TRIM44: variants seen among roughly 807,000 people sequenced by gnomAD.
The protein encoded by TRIM44 is tripartite motif-containing protein 44.
In TRIM44, 13 loss-of-function variants were observed where a neutral mutation model predicts 37.4. The ratio of observed to expected loss-of-function variants is 0.35; its 90% CI spans 0.23 to 0.55. The LOEUF (loss-of-function observed/expected upper bound fraction) is 0.55. Among genes scored for constraint, TRIM44 ranks in the 20% least tolerant of loss-of-function variants. The pLI is 0.89. For missense variants in TRIM44, 426 were observed against 437.2 expected, an observed-to-expected ratio of 0.97 and a Z score of 0.23; for synonymous variants, 175 against 157.2, an observed-to-expected ratio of 1.11 and a Z score of -0.85.
At chr11:35,800,550 A>G (rs553663809) in intron 4 of TRIM44, among the ~76,000 whole-genome samples, 1 of 152,114 alleles carries the variant, frequency 6.6e-6, no homozygotes, top group African/African-American at 2.4e-5. Flanking sequence ...TGATTGGTGC[A>G]TTTACAATCC....
chr11:35,812,288 A>G lies in TRIM44; in HGVS notation c.*5903A>G, dbSNP rs138599784. The G allele has an allele frequency of 2.6e-5, 4 of 152,300 alleles. 1 individual carries two copies. Among genetic ancestry groups the G allele is most frequent in the East Asian group, 1.9e-4 (1 of 5,184 alleles). The allele number at this position is 152,300 out of a possible 1,614,324, so 9.4% of individuals were successfully genotyped here. A position where few individuals can be genotyped will look rare whatever the true frequency, so the allele number is the denominator to read the frequency against. ...AAGGCACCAGAGTTAGAGACACCCA[A>G]CAGAAAGTCGTAATAAGAGAAGATG... On this transcript the variant is annotated 3_prime_UTR_variant, in exon 5 of 5. Coordinates refer to ENST00000299413, the MANE Select transcript of TRIM44 (RefSeq NM_017583.6).
At chr11:35,692,800 G>A (rs1441915339) in intron 2 of TRIM44, among the ~76,000 whole-genome samples, 2 of 151,928 alleles carry the variant, frequency 1.3e-5, no homozygotes, top group African/African-American at 4.8e-5. Flanking sequence ...GTGGGCGCCT[G>A]TAGTCCCAGC....
chr11:35,705,668 TA>T (rs1851869670), intron 2 of TRIM44, among the ~76,000 whole-genome samples: 1 of 147,388 alleles, frequency 6.8e-6, no homozygotes, highest in Non-Finnish European at 1.5e-5. Flanking sequence ...GACTACTGGG[TA>T]CATAACAAAA....
chr11:35,714,864 C>T (rs1250662403), intron 2 of TRIM44, among the ~76,000 whole-genome samples: 1 of 152,134 alleles, frequency 6.6e-6, no homozygotes, highest in Non-Finnish European at 1.5e-5. Context: ...AGCAGGAAAA[C>T]AAGATGGAAT....
intron 4 of TRIM44, among the ~76,000 whole-genome samples, chr11:35,794,684 C>A (rs1280736670): frequency 6.6e-6 from 1 of 152,218 alleles, no homozygotes; most frequent in Non-Finnish European, 1.5e-5. Context: ...TCAAAGTAAG[C>A]TGTTCATGAG....
At chr11:35,756,158 G>GT (rs1852635563) in intron 4 of TRIM44, among the ~76,000 whole-genome samples, 1 of 152,094 alleles carries the variant, frequency 6.6e-6, no homozygotes, top group South Asian at 2.1e-4. Flanking sequence ...TCTTCCATTT[G>GT]TTTGTATCCT....
In TRIM44 at chr11:35,808,574, G is replaced by A. The variant is rs1230327088; in HGVS notation, c.*2189G>A. 2.6e-5 allele frequency: 4 copies of A among 152,188 alleles called. No homozygotes were observed. Among genetic ancestry groups the A allele is most frequent in the Middle Eastern group, 3.4e-3 (1 of 294 alleles). The allele number at this position is 152,188 out of a possible 1,614,324, so 9.4% of individuals were successfully genotyped here. A position where few individuals can be genotyped will look rare whatever the true frequency, so the allele number is the denominator to read the frequency against. On this transcript the variant is annotated 3_prime_UTR_variant, in exon 5 of 5. Coordinates refer to ENST00000299413, the MANE Select transcript of TRIM44 (RefSeq NM_017583.6). ...TGGGAAATTCAAGCATTTATGCAGT[G>A]GATATAAATGGAAATATAAAAATAT...
chr11:35,675,602 A>C (rs1281051938), intron 1 of TRIM44, among the ~76,000 whole-genome samples: 1 of 152,024 alleles, frequency 6.6e-6, no homozygotes, highest in African/African-American at 2.4e-5. Flanking sequence ...GCTCACTGCA[A>C]CCTCCGCCTC....
chr11:35,791,513 C>T (rs1260963699), intron 4 of TRIM44, among the ~76,000 whole-genome samples: 1 of 152,108 alleles, frequency 6.6e-6, no homozygotes, highest in Non-Finnish European at 1.5e-5. Flanking sequence ...ACACTTCAAG[C>T]ATGACCCATA....
At chr11:35,799,427 T>C (rs1853336665) in intron 4 of TRIM44, among the ~76,000 whole-genome samples, 1 of 152,184 alleles carries the variant, frequency 6.6e-6, no homozygotes, top group Non-Finnish European at 1.5e-5. Context: ...CAGGTCTGTA[T>C]TTCTTCTTCT....
chr11:35,732,438 TAATAG>T (rs1322495939), intron 3 of TRIM44, among the ~76,000 whole-genome samples: 1 of 152,210 alleles, frequency 6.6e-6, no homozygotes, highest in Non-Finnish European at 1.5e-5. Context: ...AATTTGCTTA[TAATAG>T]GAGTAGAAAT....
At chr11:35,694,436 T>C (rs954163558) in intron 2 of TRIM44, among the ~76,000 whole-genome samples, 1 of 152,120 alleles carries the variant, frequency 6.6e-6, no homozygotes, top group South Asian at 2.1e-4. Context: ...TCACCTACAT[T>C]GGGCCTTCAT....
At chr11:35,737,592 T>C in intron 4 of TRIM44, among the ~76,000 whole-genome samples, 1 of 152,124 alleles carries the variant, frequency 6.6e-6, no homozygotes, top group Non-Finnish European at 1.5e-5. Flanking sequence ...TCCCAGGACT[T>C]TGGGAGGCCG....
intron 2 of TRIM44, among the ~76,000 whole-genome samples, chr11:35,692,040 T>TA (rs1851642374): frequency 1.3e-5 from 2 of 152,154 alleles, no homozygotes; most frequent in South Asian, 4.1e-4. Context: ...CATCATAAAG[T>TA]AGAAAAACCG....
rs182128403 is a variant in TRIM44 at position 35,700,700 on chromosome 11, T to C, written c.747+15364T>C. On this transcript the variant is annotated intron_variant, in intron 2 of 4. Transcript: ENST00000299413. Reference sequence around the variant, plus strand: ...TACCCATAAAAAATCCTTTCTTATATAAAATCTCTTTTCTTTATAACCTTC... The same window carrying C: ...TACCCATAAAAAATCCTTTCTTATACAAAATCTCTTTTCTTTATAACCTTC... Among the ~76,000 whole-genome samples the C allele has an allele frequency of 1.8e-3, 280 of 152,326 alleles. 2 individuals are homozygous for C. Among genetic ancestry groups the C allele is most frequent in the African/African-American group, 6.5e-3 (269 of 41,574 alleles).
intron 3 of TRIM44, among the ~76,000 whole-genome samples, chr11:35,734,324 C>T (rs889820004): frequency 6.6e-6 from 1 of 152,136 alleles, no homozygotes; most frequent in East Asian, 1.9e-4. Flanking sequence ...AATCCTCATA[C>T]TCATCCTATG....
intron 4 of TRIM44, among the ~76,000 whole-genome samples, chr11:35,756,131 G>T (rs376682142): frequency 1.3e-5 from 2 of 152,008 alleles, no homozygotes; most frequent in Middle Eastern, 3.4e-3. Flanking sequence ...TTCTTCCTAC[G>T]CATGAGCATG....
intron 1 of TRIM44, among the ~76,000 whole-genome samples, chr11:35,667,100 C>T (rs964929125): frequency 3.3e-5 from 5 of 152,030 alleles, no homozygotes; most frequent in South Asian, 2.1e-4. Context: ...GTGATATGTT[C>T]TATGGTTTTT....
rs1853528083 is a variant in TRIM44, at chr11:35,811,594, A to AAATC, written c.*5211_*5214dup. The AAATC allele has an allele frequency of 6.6e-6, 1 of 152,192 alleles. No individual in the cohort carries two copies. The highest frequency in any genetic ancestry group is 6.5e-5 in the Admixed American group (1 of 15,278). The allele number at this position is 152,192 out of a possible 1,614,324, so 9.4% of individuals were successfully genotyped here. ...GTTTGAAGGACCAGAGGTTGCATTG[A>AAATC]AATCAGAAGTCATATACTCAGAGGC... On this transcript the variant is annotated 3_prime_UTR_variant, in exon 5 of 5. Coordinates refer to ENST00000299413, the MANE Select transcript of TRIM44 (RefSeq NM_017583.6).
Sources: allele counts gnomAD v4.1 joint callset (sites outside exome capture counted in the v4.1 genomes callset), GRCh38; gene constraint gnomAD v4.1.1; transcripts MANE v1.5; gene names NCBI Gene and HGNC (gene_info 2026-07-23, HGNC 2026-07-21).